ATP9A: variants seen among roughly 807,000 people sequenced by gnomAD.
The protein encoded by ATP9A is probable phospholipid-transporting ATPase IIA.
Under a neutral mutation model 144.1 loss-of-function variants are expected in ATP9A, and 52 were observed. The ratio of observed to expected loss-of-function variants is 0.36; its 90% confidence interval spans 0.29 to 0.45. The LOEUF (loss-of-function observed/expected upper bound fraction) is 0.45, where lower values mean the gene tolerates loss of function less well. Among genes scored for constraint, ATP9A ranks in the 20% least tolerant of loss-of-function variants. The probability of loss-of-function intolerance (pLI) is 1.00; values close to 1 mark genes in which losing one functional copy is unlikely to be tolerated. For missense variants in ATP9A, 947 were observed against 1,392.7 expected (o/e 0.68, Z 5.09); for synonymous variants, 582 against 557.4 (o/e 1.04, Z -0.62).
At chr20:51,638,396 A>G (rs2077304376) in intron 15 of ATP9A, among the ~76,000 whole-genome samples, 1 of 151,868 alleles carries the variant, frequency 6.6e-6, no homozygotes, top group Non-Finnish European at 1.5e-5. Flanking sequence ...GATGTGAGGA[A>G]CCACCCCACT....
chr20:51,618,962 A>T lies in ATP9A; in HGVS notation c.2197T>A (p.Ser733Thr). 6.2e-7 allele frequency: 1 copy of T among 1,614,084 alleles called. No homozygotes were observed. The highest frequency in any genetic ancestry group is 8.5e-7 in the Non-Finnish European group (1 of 1,179,992). ...HDCALVISGD[S>T]LEVCLKYYEY... Reference sequence around the variant, plus strand: ...GGGGTCCCCAAGCTCACCTCCAGGGAGTCTCCCGAGATGACCAGGGCACAA... The same window carrying T: ...GGGGTCCCCAAGCTCACCTCCAGGGTGTCTCCCGAGATGACCAGGGCACAA... Residue 733 changes from serine to threonine, a missense_variant, in exon 20 of 28, where the codon TCC becomes ACC. This residue lies in a region of ATP9A where 770 missense variants were observed against 1,047.9 expected (regional missense o/e 0.73). Transcript: ENST00000338821.
In ATP9A at chr20:51,635,802, G is replaced by GAGGGAGGAAGGGAGGAAGGAAGGAAGGA. The variant is rs774111834; in HGVS notation, c.1668+3540_1668+3541insTCCTTCCTTCCTTCCTCCCTTCCTCCCT. 2.7e-3 allele frequency among the ~76,000 whole-genome samples: 125 copies of GAGGGAGGAAGGGAGGAAGGAAGGAAGGA among 46,676 alleles called. 1 individual carries two copies. Among genetic ancestry groups the GAGGGAGGAAGGGAGGAAGGAAGGAAGGA allele is most frequent in the East Asian group, 0.018 (19 of 1,058 alleles). 30.6% of individuals were successfully genotyped at this position (46,676 alleles called of 152,430 possible). A position where few individuals can be genotyped will look rare whatever the true frequency, so the allele number is the denominator to read the frequency against. ...AAAGGAAGGAAACAGAGGAGGGGAG[G>GAGGGAGGAAGGGAGGAAGGAAGGAAGGA]AGGAAGGAAGGAAGGAAGGAAGGGA... On this transcript the variant is annotated intron_variant, in intron 15 of 27. Transcript: ENST00000338821.
intron 1 of ATP9A, among the ~76,000 whole-genome samples, chr20:51,749,123 C>T (rs1014312884): frequency 5.9e-5 from 9 of 152,172 alleles, no homozygotes; most frequent in Middle Eastern, 3.4e-3. Flanking sequence ...CTATTTGGGA[C>T]GCTGAGGCAG....
At chr20:51,731,799 A>C (rs1362117211) in intron 1 of ATP9A, among the ~76,000 whole-genome samples, 9 of 152,030 alleles carry the variant, frequency 5.9e-5, no homozygotes, top group Non-Finnish European at 1.3e-4. Context: ...TCTGGCCTTG[A>C]ACTGTGTCAG....
chr20:51,651,422 A>G (rs1220121940), intron 14 of ATP9A, among the ~76,000 whole-genome samples: 2 of 145,792 alleles, frequency 1.4e-5, no homozygotes, highest in East Asian at 3.9e-4. Flanking sequence ...AAATATGCAT[A>G]TCATATATTA....
Position 51,732,160 on chromosome 20 carries a change from C to T in ATP9A, c.69-2182G>A, listed in dbSNP as rs550857021. Among the ~76,000 whole-genome samples, 8 of 152,252 alleles carry T rather than the reference C, an allele frequency of 5.3e-5. No homozygotes were observed. The East Asian group carries it at 5.8e-4, about 11-fold the overall frequency. On this transcript the variant is annotated intron_variant, in intron 1 of 27. Transcript: ENST00000338821. ...AGGAATCTGGGCTGCTCTGGCAAAA[C>T]GAGGTGCTCTGAGGACCCCAAAAAC...
At chr20:51,610,677 C>T (rs1315181392) in intron 23 of ATP9A, among the ~76,000 whole-genome samples, 2 of 152,098 alleles carry the variant, frequency 1.3e-5, no homozygotes, top group East Asian at 3.9e-4. Context: ...GGCCACACTT[C>T]TAAACAGCTC....
chr20:51,661,653 G>C (rs1399052084), intron 13 of ATP9A, among the ~76,000 whole-genome samples: 4 of 151,034 alleles, frequency 2.6e-5, no homozygotes, highest in Non-Finnish European at 5.9e-5. Flanking sequence ...TTATAGGTGT[G>C]AGCCACTGCA....
intron 11 of ATP9A, 149 bp downstream of exon 11, chr20:51,674,004 C>T (rs1379687720): frequency 7.6e-6 from 7 of 922,816 alleles, no homozygotes; most frequent in South Asian, 3.8e-5. Context: ...GAGCCAAGAT[C>T]GCGCCACTGC....
intron 13 of ATP9A, among the ~76,000 whole-genome samples, chr20:51,667,396 C>T (rs951885251): frequency 2.6e-5 from 4 of 152,188 alleles, no homozygotes; most frequent in Admixed American, 6.5e-5. Flanking sequence ...TGAGAAGGGG[C>T]TGCGAGTGAT....
intron 3 of ATP9A, among the ~76,000 whole-genome samples, chr20:51,721,446 C>A (rs2077688618): frequency 6.6e-6 from 1 of 152,060 alleles, no homozygotes; most frequent in South Asian, 2.1e-4. Flanking sequence ...ATAATGAGAT[C>A]CTGTCTCTAC....
chr20:51,764,390 T>C (rs1459792349), intron 1 of ATP9A, among the ~76,000 whole-genome samples: 1 of 152,240 alleles, frequency 6.6e-6, no homozygotes. Context: ...GTTTCCTAAC[T>C]ACACCATTTC....
In ATP9A at chr20:51,694,074, C is replaced by G; in HGVS notation, c.576G>C (p.Leu192=). Reference sequence around the variant, plus strand: ...GCAGCTTCCAGTCCGTCTCCCCATCCAGCTGATCCGTCCGCAAGAAGCATG... The same window carrying G: ...GCAGCTTCCAGTCCGTCTCCCCATCGAGCTGATCCGTCCGCAAGAAGCATG... The part of the protein sequence containing the change: ...NGSCFLRTDQ[L]DGETDWKLRL... The change falls in exon 7 of 28, where the codon CTG becomes CTC. Residue 192 remains leucine, a synonymous_variant. Transcript: ENST00000338821. 5 of 1,614,162 alleles carry G rather than the reference C, an allele frequency of 3.1e-6. No individual in the cohort carries two copies. Among genetic ancestry groups the G allele is most frequent in the Non-Finnish European group, 4.2e-6 (5 of 1,180,010 alleles).
Position 51,695,028 on chromosome 20 carries a change from T to C in ATP9A, c.548-926A>G, listed in dbSNP as rs543900638. Among the ~76,000 whole-genome samples the C allele has an allele frequency of 2.6e-5, 4 of 152,332 alleles. No individual in the cohort carries two copies. In the East Asian group the frequency reaches 5.8e-4, roughly 22 times the overall value. On this transcript the variant is annotated intron_variant, in intron 6 of 27. Coordinates refer to ENST00000338821, the MANE Select transcript of ATP9A (RefSeq NM_006045.3). ...CTCCTGTCCTGATTACATATTAGTATAAAATTTTACTTGTACTTTAATTCT... is the reference window on the plus strand; with the variant it reads ...CTCCTGTCCTGATTACATATTAGTACAAAATTTTACTTGTACTTTAATTCT...
intron 4 of ATP9A, among the ~76,000 whole-genome samples, chr20:51,698,140 T>C (rs2077578387): frequency 1.3e-5 from 2 of 152,136 alleles, no homozygotes; most frequent in Non-Finnish European, 2.9e-5. Flanking sequence ...TCCCCCAAAG[T>C]CTCAGAGTTA....
chr20:51,616,303 C>T (rs1452221103), intron 22 of ATP9A, among the ~76,000 whole-genome samples: 1 of 152,044 alleles, frequency 6.6e-6, no homozygotes, highest in African/African-American at 2.4e-5. Flanking sequence ...CTTGGCACTC[C>T]TATACTTCAA....
chr20:51,626,542 G>A (rs567783276), intron 17 of ATP9A, among the ~76,000 whole-genome samples: 9 of 151,822 alleles, frequency 5.9e-5, no homozygotes, highest in African/African-American at 2.2e-4. Context: ...CAGATGCGGT[G>A]GCTCACACTT....
chr20:51,641,721 C>A (rs1375076797), intron 14 of ATP9A, among the ~76,000 whole-genome samples: 1 of 150,878 alleles, frequency 6.6e-6, no homozygotes, highest in African/African-American at 2.4e-5. Context: ...ATCCCAGCTA[C>A]CAGGGAGGCT....
At chr20:51,664,562 T>C (rs538138031) in intron 13 of ATP9A, among the ~76,000 whole-genome samples, 1 of 152,152 alleles carries the variant, frequency 6.6e-6, no homozygotes, top group East Asian at 1.9e-4. Context: ...CACCGTAGTC[T>C]GGGTAAGAGA....
Sources: allele counts gnomAD v4.1 joint callset (sites outside exome capture counted in the v4.1 genomes callset), GRCh38; gene constraint gnomAD v4.1.1; regional missense constraint gnomAD v4.1.1; transcripts MANE v1.5; gene names NCBI Gene and HGNC (gene_info 2026-07-23, HGNC 2026-07-21).